The following CNTNAP2 variants were observed in gnomAD, a reference collection of about 807,000 sequenced individuals.
CNTNAP2 encodes the protein contactin associated protein 2, also known as contactin-associated protein-like 2.
CNTNAP2 carries 98 observed loss-of-function variants against 155.2 expected under a neutral mutation model. The observed-to-expected ratio is 0.63, with a 90% CI of 0.54 to 0.75. The LOEUF (loss-of-function observed/expected upper bound fraction) is 0.75, where lower values mean the gene tolerates loss of function less well. CNTNAP2 is among the 30% of genes least tolerant of loss of function. The probability of loss-of-function intolerance (pLI) is 0.00; values close to 1 mark genes in which losing one functional copy is unlikely to be tolerated. For synonymous variants in CNTNAP2, 651 were observed against 631.2 expected, an observed-to-expected ratio of 1.03 and a Z score of -0.47; for missense variants, 1,727 against 1,688.1, an observed-to-expected ratio of 1.02 and a Z score of -0.40.
At chr7:147,833,958 T>A (rs1798593949) in intron 13 of CNTNAP2, among the ~76,000 whole-genome samples, 1 of 151,896 alleles carries the variant, frequency 6.6e-6, no homozygotes, top group African/African-American at 2.4e-5. Context: ...GGGGACGGCA[T>A]GAAGACAGAT....
intron 11 of CNTNAP2, among the ~76,000 whole-genome samples, chr7:147,486,478 T>C (rs1395952418): frequency 6.6e-6 from 1 of 152,180 alleles, no homozygotes; most frequent in African/African-American, 2.4e-5. Flanking sequence ...CCTCATGCTT[T>C]AGCCCAACTA....
At chr7:147,092,388 A>C (rs188892929) in intron 4 of CNTNAP2, among the ~76,000 whole-genome samples, 10 of 152,234 alleles carry the variant, frequency 6.6e-5, no homozygotes, top group Non-Finnish European at 1.5e-5. Context: ...CTTTATTCAA[A>C]AGAAAATGCC....
intron 14 of CNTNAP2, among the ~76,000 whole-genome samples, chr7:147,974,172 G>T (rs1270587974): frequency 6.6e-6 from 1 of 152,076 alleles, no homozygotes; most frequent in Admixed American, 6.6e-5. Context: ...GTAGATATGT[G>T]AATTCCTATA....
chr7:146,521,009 A>T (rs1230188891), intron 1 of CNTNAP2, among the ~76,000 whole-genome samples: 1 of 151,822 alleles, frequency 6.6e-6, no homozygotes, highest in Non-Finnish European at 1.5e-5. Flanking sequence ...GACTTTTCTG[A>T]CCCTTCATCT....
At chr7:147,182,422 C>A (rs1802479739) in intron 8 of CNTNAP2, among the ~76,000 whole-genome samples, 1 of 151,902 alleles carries the variant, frequency 6.6e-6, no homozygotes, top group African/African-American at 2.4e-5. Flanking sequence ...AAGATATAGT[C>A]ATGTAGCACA....
At chr7:146,175,160 A>G (rs1265964498) in intron 1 of CNTNAP2, among the ~76,000 whole-genome samples, 1 of 152,186 alleles carries the variant, frequency 6.6e-6, no homozygotes, top group East Asian at 1.9e-4. Flanking sequence ...TCTGGTCAGT[A>G]GTAATAATGG....
rs1160603745 is a variant in CNTNAP2 at position 147,601,644 on chromosome 7, A to AAT, written c.1898-37432_1898-37431dup. On this transcript the variant is annotated intron_variant, in intron 12 of 23. Coordinates refer to ENST00000361727, the MANE Select transcript of CNTNAP2 (RefSeq NM_014141.6). ...TTAAAGACATTGACTCTTAAAAAAA[A>AAT]ATATATATATATATATATATATATA... 6.4e-3 allele frequency among the ~76,000 whole-genome samples: 559 copies of AAT among 87,414 alleles called. 4 individuals carry two copies. The highest frequency in any genetic ancestry group is 0.014 in the Admixed American group (97 of 6,788). The allele number at this position is 87,414 out of a possible 152,430, so 57.3% of individuals were successfully genotyped here. A position where few individuals can be genotyped will look rare whatever the true frequency, so the allele number is the denominator to read the frequency against.
At chr7:147,245,460 A>T (rs73459569) in intron 8 of CNTNAP2, among the ~76,000 whole-genome samples, 3,040 of 152,148 alleles carry the variant, frequency 0.02, 107 homozygotes, top group African/African-American at 0.069. Context: ...GGGTTGGTCC[A>T]GACAGCCACT....
intron 13 of CNTNAP2, among the ~76,000 whole-genome samples, chr7:147,798,886 A>C (rs991424311): frequency 3.9e-5 from 6 of 152,202 alleles, no homozygotes; most frequent in African/African-American, 1.2e-4. Context: ...CCCAGCACAC[A>C]GGGTCTCTGA....
chr7:146,679,514 C>T (rs1800464852), intron 1 of CNTNAP2, among the ~76,000 whole-genome samples: 2 of 151,948 alleles, frequency 1.3e-5, no homozygotes, highest in Non-Finnish European at 2.9e-5. Flanking sequence ...CGCCAACACG[C>T]CCAGCTAATT....
chr7:146,514,999 A>G (rs1563115169), intron 1 of CNTNAP2, among the ~76,000 whole-genome samples: 2 of 152,028 alleles, frequency 1.3e-5, no homozygotes, highest in South Asian at 2.1e-4. Flanking sequence ...CTTTAATGGG[A>G]TGGGTTTCCC....
chr7:147,632,974 G>A (rs1363105915), intron 12 of CNTNAP2, among the ~76,000 whole-genome samples: 1 of 152,172 alleles, frequency 6.6e-6, no homozygotes, highest in Non-Finnish European at 1.5e-5. Context: ...ATAAAAGTTT[G>A]GAAAATTTGC....
chr7:147,739,411 A>G (rs1796918451), intron 13 of CNTNAP2, among the ~76,000 whole-genome samples: 1 of 152,036 alleles, frequency 6.6e-6, no homozygotes, highest in African/African-American at 2.4e-5. Flanking sequence ...CCCCTCATCA[A>G]AGTCTAAGTA....
At chr7:148,181,753 T>C (rs1795041173) in intron 18 of CNTNAP2, among the ~76,000 whole-genome samples, 1 of 118,898 alleles carries the variant, frequency 8.4e-6, no homozygotes, top group African/African-American at 3.3e-5. Flanking sequence ...TTTTTTTTTT[T>C]TTTTTTTTTT....
intron 15 of CNTNAP2, among the ~76,000 whole-genome samples, chr7:148,034,179 A>G (rs1429277459): frequency 2.0e-5 from 3 of 152,234 alleles, no homozygotes; most frequent in African/African-American, 7.2e-5. Context: ...TAAAGTGAAC[A>G]GATGAATTTC....
chr7:148,086,796 A>T (rs1803739332), intron 15 of CNTNAP2, among the ~76,000 whole-genome samples: 1 of 152,198 alleles, frequency 6.6e-6, no homozygotes, highest in South Asian at 2.1e-4. Flanking sequence ...ACACAGATCC[A>T]GGTGTCTAAG....
At chr7:146,661,122 A>G (rs912510018) in intron 1 of CNTNAP2, among the ~76,000 whole-genome samples, 1 of 152,172 alleles carries the variant, frequency 6.6e-6, no homozygotes, top group Admixed American at 6.5e-5. Flanking sequence ...CTCACGGTTG[A>G]CAGTTTCCAG....
chr7:147,281,793 T>A (rs1202529095), intron 8 of CNTNAP2, among the ~76,000 whole-genome samples: 3 of 151,896 alleles, frequency 2.0e-5, no homozygotes, highest in African/African-American at 2.4e-5. Flanking sequence ...GAGTTAGTCA[T>A]CACCTGATTC....
chr7:146,714,054 T>C (rs1472405824), intron 1 of CNTNAP2, among the ~76,000 whole-genome samples: 2 of 152,216 alleles, frequency 1.3e-5, no homozygotes, highest in Non-Finnish European at 2.9e-5. Context: ...TTCTTTTATA[T>C]GATTACTGCT....
Sources: gnomAD v4.1 joint callset for allele counts (sites outside exome capture counted in the v4.1 genomes callset) on GRCh38, gnomAD v4.1.1 for gene constraint, MANE v1.5 for transcripts, NCBI Gene and HGNC (gene_info 2026-07-23, HGNC 2026-07-21) for gene names.